The following EDF1 variants were observed in gnomAD, a reference collection of about 807,000 sequenced individuals.
The protein encoded by EDF1 is endothelial differentiation related factor 1.
Under a neutral mutation model 20.8 loss-of-function variants are expected in EDF1, and 5 were observed. That is an observed-to-expected ratio of 0.24 (90% CI 0.13 to 0.51). The LOEUF (loss-of-function observed/expected upper bound fraction) is 0.51. Ranked by LOEUF, EDF1 falls within the 20% of genes least tolerant of loss-of-function variation. The pLI, the probability that EDF1 is intolerant of heterozygous loss-of-function variation, is 0.97. For synonymous variants in EDF1, 96 were observed against 78.5 expected (o/e 1.22, Z -1.18); for missense variants, 137 against 197.8 (o/e 0.69, Z 1.84).
In EDF1 at chr9:136,862,632, C is replaced by G. The variant is rs1199390017; in HGVS notation, c.385+274G>C. ...TGACAGGGCCCGGACCCGCTGTGCT[C>G]AGGCTCAGAGAACCATCGCCAACAG... On this transcript the variant is annotated intron_variant, in intron 4 of 4. Transcript: ENST00000224073. This position sits in a 1 kb window ranked among gnomAD's most constrained non-coding sequence, Gnocchi z 4.1. The G allele has an allele frequency of 6.6e-7, 1 of 1,508,814 alleles. No homozygotes were observed. Among genetic ancestry groups the G allele is most frequent in the Non-Finnish European group, 8.8e-7 (1 of 1,134,472 alleles). 93.5% of individuals were successfully genotyped at this position (1,508,814 alleles called of 1,614,324 possible).
At chr9:136,865,063 G>A (rs889792105) in intron 1 of EDF1, among the ~76,000 whole-genome samples, 1 of 152,166 alleles carries the variant, frequency 6.6e-6, no homozygotes, top group Admixed American at 6.5e-5. Flanking sequence ...AGTGAATTTG[G>A]TTTTGACTGT....
chr9:136,862,726 C>A lies in EDF1; in HGVS notation c.385+180G>T. 6.5e-7 allele frequency: 1 copy of A among 1,542,940 alleles called. No homozygotes were observed. The highest frequency in any genetic ancestry group is 8.7e-7 in the Non-Finnish European group (1 of 1,151,764). ...ACTTGCTCTTAGGGGTTTCCTGAGGCCTGCAGAGACCCCACCATCCCTCAG... is the reference window on the plus strand; with the variant it reads ...ACTTGCTCTTAGGGGTTTCCTGAGGACTGCAGAGACCCCACCATCCCTCAG... On this transcript the variant is annotated intron_variant, in intron 4 of 4. Transcript: ENST00000224073. This position sits in a 1 kb window ranked among gnomAD's most constrained non-coding sequence, Gnocchi z 4.1.
chr9:136,863,390 C>G lies in EDF1; in HGVS notation c.189G>C (p.Arg63=), dbSNP rs1294341887. The change falls in exon 3 of 5, where the codon CGG becomes CGC. Residue 63 remains arginine (R), a synonymous_variant. Coordinates refer to ENST00000224073, the MANE Select transcript of EDF1 (RefSeq NM_003792.4). This position sits in a 1 kb window ranked among gnomAD's most constrained non-coding sequence, Gnocchi z 4.5. The stretch of plus-strand genomic sequence containing the variant: ...TGTCATGGTGCAGCTCCTCTGTCTC[C>G]CGGTCCAGCTTGGCCGTGTTCTTGG... The part of the protein sequence containing the change: ...SITKNTAKLD[R]ETEELHHDRV... The G allele has an allele frequency of 3.7e-6, 6 of 1,614,044 alleles. No homozygotes were observed. The Admixed American group carries it at 1.0e-4, about 27-fold the overall frequency.
chr9:136,865,317 C>A (rs139381390), intron 1 of EDF1, among the ~76,000 whole-genome samples: 3 of 152,266 alleles, frequency 2.0e-5, no homozygotes, highest in Non-Finnish European at 4.4e-5. Flanking sequence ...ACCTGTGCAA[C>A]AGGGTCCACC....
Position 136,862,392 on chromosome 9 carries a change from T to A in EDF1, c.386-47A>T. The A allele has an allele frequency of 6.2e-7, 1 of 1,613,252 alleles. No individual in the cohort carries two copies. Among genetic ancestry groups the A allele is most frequent in the Non-Finnish European group, 8.5e-7 (1 of 1,179,882 alleles). Reference sequence around the variant, plus strand: ...GGCCACTGCAGCACCAGCTCCCTCCTCCCCCCAACGCTGCCCCTCTTCAAC... The same window carrying A: ...GGCCACTGCAGCACCAGCTCCCTCCACCCCCCAACGCTGCCCCTCTTCAAC... On this transcript the variant is annotated intron_variant, in intron 4 of 4. Coordinates refer to ENST00000224073, the MANE Select transcript of EDF1 (RefSeq NM_003792.4). This position sits in a 1 kb window ranked among gnomAD's most constrained non-coding sequence, Gnocchi z 4.1.
intron 1 of EDF1, among the ~76,000 whole-genome samples, chr9:136,864,693 G>A (rs1247678425): frequency 6.6e-6 from 1 of 151,736 alleles, no homozygotes; most frequent in African/African-American, 2.4e-5. Flanking sequence ...ACACGATCTC[G>A]GCTCACTGCA....
intron 1 of EDF1, among the ~76,000 whole-genome samples, chr9:136,865,925 GCCTCCTGGGTCCGTCCATCC>G (rs1361923450): frequency 1.5e-5 from 2 of 129,102 alleles, no homozygotes; most frequent in Non-Finnish European, 1.6e-5. Context: ...CCCGCCCCCT[GCCTCCTGGGTCCGTCCATCC>G]CCTCCTGGGT....
In EDF1 at chr9:136,862,367, G is replaced by A; in HGVS notation, c.386-22C>T. On this transcript the variant is annotated intron_variant, in intron 4 of 4. Coordinates refer to ENST00000224073, the MANE Select transcript of EDF1 (RefSeq NM_003792.4). This position sits in a 1 kb window ranked among gnomAD's most constrained non-coding sequence, Gnocchi z 4.1. ...AGGCCTGAAATGAGCCACAGCCACTGGCCACTGCAGCACCAGCTCCCTCCT... is the reference window on the plus strand; with the variant it reads ...AGGCCTGAAATGAGCCACAGCCACTAGCCACTGCAGCACCAGCTCCCTCCT... 1.2e-6 allele frequency: 2 copies of A among 1,614,006 alleles called. No homozygotes were observed. The highest frequency in any genetic ancestry group is 1.1e-5 in the South Asian group (1 of 91,076).
At chr9:136,866,031 TC>T in intron 1 of EDF1, 149 bp downstream of exon 1, 1 of 468,736 alleles carries the variant, frequency 2.1e-6, no homozygotes, top group Non-Finnish European at 3.1e-6. Flanking sequence ...TCGAACCCCG[TC>T]CTGCCCCCGG....
At position 136,863,713 on chromosome 9, in the gene EDF1, A is replaced by G; in HGVS notation, c.130+107T>C. ...GGCTCCGGCCAGCACCGGTGCAGGC[A>G]GGCACTCAGCTGACAACGTCCCCGG... On this transcript the variant is annotated intron_variant, in intron 2 of 4. Transcript: ENST00000224073. This position sits in a 1 kb window ranked among gnomAD's most constrained non-coding sequence, Gnocchi z 4.5. The G allele has an allele frequency of 2.2e-6, 3 of 1,392,994 alleles. No homozygotes were observed. Among genetic ancestry groups the G allele is most frequent in the Non-Finnish European group, 3.0e-6 (3 of 992,376 alleles). The allele number at this position is 1,392,994 out of a possible 1,614,324, so 86.3% of individuals were successfully genotyped here.
chr9:136,865,845 G>A (rs1398881711), intron 1 of EDF1, among the ~76,000 whole-genome samples: 1 of 58,810 alleles, frequency 1.7e-5, no homozygotes. Context: ...GCCCCACCCT[G>A]GCACTGGTCC....
Position 136,862,463 on chromosome 9 carries a change from GCT to G in EDF1, c.386-120_386-119del. On this transcript the variant is annotated intron_variant, in intron 4 of 4. Transcript: ENST00000224073. The surrounding 1 kb of genome is among the most constrained non-coding windows in gnomAD (Gnocchi z 4.1). ...CCACGCCGCTCCCGTGCCTCACTGG[GCT>G]CTCAGCACACGAGCACTCCTGGTTC... The G allele has an allele frequency of 6.2e-7, 1 of 1,613,212 alleles. No homozygotes were observed. Among genetic ancestry groups the G allele is most frequent in the Middle Eastern group, 1.7e-4 (1 of 6,056 alleles).
Position 136,863,528 on chromosome 9 carries a change from AC to A in EDF1, c.131-81del. 3 of 1,512,554 alleles carry A rather than the reference AC, an allele frequency of 2.0e-6. No individual in the cohort carries two copies. The highest frequency in any genetic ancestry group is 8.9e-7 in the Non-Finnish European group (1 of 1,124,774). The allele number at this position is 1,512,554 out of a possible 1,614,324, so 93.7% of individuals were successfully genotyped here. On this transcript the variant is annotated intron_variant, in intron 2 of 4. Transcript: ENST00000224073. This position sits in a 1 kb window ranked among gnomAD's most constrained non-coding sequence, Gnocchi z 4.5. ...AAAACCATTTCAAAGCGGTAACCAG[AC>A]CCCAGAGGCTGCCTGAACTCAAGGG... is the stretch of plus-strand genomic sequence containing the variant.
chr9:136,866,146 C>CGCCCG (rs896001161), intron 1 of EDF1, 35 bp downstream of exon 1: 3 of 1,575,568 alleles, frequency 1.9e-6, no homozygotes, highest in Non-Finnish European at 2.6e-6. Flanking sequence ...GCGTCCGCCC[C>CGCCCG]GCCCGGCCCG....
Position 136,866,308 on chromosome 9 carries a change from G to A in EDF1, c.-50C>T, listed in dbSNP as rs752848681. 7 of 1,573,472 alleles carry A rather than the reference G, an allele frequency of 4.4e-6. No individual in the cohort carries two copies. In the East Asian group the frequency reaches 1.4e-4, roughly 32 times the overall value. On this transcript the variant is annotated 5_prime_UTR_variant, in exon 1 of 5. Transcript: ENST00000224073. ...CGGCGGCTCAGCGGCAGCTGCTAGA[G>A]ACCTGGCGCGGCGACGCTACGTCCC...
In EDF1 at chr9:136,863,461, T is replaced by C; in HGVS notation, c.131-13A>G. On this transcript the variant is annotated splice_polypyrimidine_tract_variant and intron_variant, in intron 2 of 4. Transcript: ENST00000224073. This position sits in a 1 kb window ranked among gnomAD's most constrained non-coding sequence, Gnocchi z 4.5. ...TGGCCAGCAGCCCCTGGAGTCGGTG[T>C]GAGGCAAAAGCAGAGGAGAGGATTT... 1 of 1,609,148 alleles carries C rather than the reference T, an allele frequency of 6.2e-7. No individual in the cohort carries two copies. The highest frequency in any genetic ancestry group is 8.5e-7 in the Non-Finnish European group (1 of 1,176,372).
Position 136,862,385 on chromosome 9 carries a change from T to A in EDF1, c.386-40A>T. ...AGCCACTGGCCACTGCAGCACCAGC[T>A]CCCTCCTCCCCCCAACGCTGCCCCT... On this transcript the variant is annotated intron_variant, in intron 4 of 4. Coordinates refer to ENST00000224073, the MANE Select transcript of EDF1 (RefSeq NM_003792.4). This position sits in a 1 kb window ranked among gnomAD's most constrained non-coding sequence, Gnocchi z 4.1. 1.2e-6 allele frequency: 2 copies of A among 1,613,732 alleles called. No individual in the cohort carries two copies. Among genetic ancestry groups the A allele is most frequent in the Non-Finnish European group, 1.7e-6 (2 of 1,179,948 alleles).
Position 136,863,358 on chromosome 9 carries a change from G to A in EDF1, c.221C>T (p.Thr74Ile). Reference protein sequence around the residue: ...ETEELHHDRVTLEVGKVIQQG... With the variant: ...ETEELHHDRVILEVGKVIQQG... ...CTGGATCACCTTGCCCACCTCCAGG[G>A]TCACCCTGTCATGGTGCAGCTCCTC... is the stretch of plus-strand genomic sequence containing the variant. The change falls in exon 3 of 5, where the codon ACC becomes ATC. Residue 74 changes from threonine (T) to isoleucine (I), a missense_variant. Thr to Ile is a moderately conservative substitution (Grantham distance 89, BLOSUM62 -1). Coordinates refer to ENST00000224073, the MANE Select transcript of EDF1 (RefSeq NM_003792.4). This position sits in a 1 kb window ranked among gnomAD's most constrained non-coding sequence, Gnocchi z 4.5. 1 of 1,614,094 alleles carries A rather than the reference G, an allele frequency of 6.2e-7. No homozygotes were observed. Among genetic ancestry groups the A allele is most frequent in the Non-Finnish European group, 8.5e-7 (1 of 1,180,022 alleles).
chr9:136,863,962 A>T lies in EDF1; in HGVS notation c.79-91T>A. On this transcript the variant is annotated intron_variant, in intron 1 of 4. Transcript: ENST00000224073. The surrounding 1 kb of genome is among the most constrained non-coding windows in gnomAD (Gnocchi z 4.5). ...AGGCCTGCTGTTAGCCAGTTAGCAC[A>T]CTGCTAAGGACTAGTGGTGCCCAAG... 2.3e-6 allele frequency: 3 copies of T among 1,327,334 alleles called. No homozygotes were observed. The highest frequency in any genetic ancestry group is 1.2e-5 in the South Asian group (1 of 83,048). The allele number at this position is 1,327,334 out of a possible 1,614,324, so 82.2% of individuals were successfully genotyped here.
Sources: gnomAD v4.1 joint callset for allele counts (sites outside exome capture counted in the v4.1 genomes callset) on GRCh38, gnomAD v4.1.1 for gene constraint, Gnocchi (gnomAD v3.1) non-coding constraint, MANE v1.5 for transcripts, NCBI Gene and HGNC (gene_info 2026-07-23, HGNC 2026-07-21) for gene names.